ARRB1: variants seen among roughly 807,000 people sequenced by gnomAD.
ARRB1 encodes the protein arrestin beta 1.
A neutral mutation model predicts 56.8 loss-of-function variants in ARRB1; 21 were observed. The observed-to-expected ratio is 0.37, with a 90% confidence interval of 0.26 to 0.53. The LOEUF (loss-of-function observed/expected upper bound fraction) is 0.53. Ranked by LOEUF, ARRB1 falls within the 20% of genes least tolerant of loss-of-function variation. The probability of loss-of-function intolerance (pLI) is 0.88; values close to 1 mark genes in which losing one functional copy is unlikely to be tolerated. For missense variants in ARRB1, 424 were observed against 553.7 expected, an observed-to-expected ratio of 0.77 and a Z score of 2.35; for synonymous variants, 210 against 218.6, an observed-to-expected ratio of 0.96 and a Z score of 0.35.
intron 1 of ARRB1, 92 bp downstream of exon 1, chr11:75,351,496 A>G: frequency 6.7e-7 from 1 of 1,483,488 alleles, no homozygotes; most frequent in Non-Finnish European, 8.9e-7. Flanking sequence ...GTGGCCGCGA[A>G]CGCAGAACCA....
At chr11:75,282,921 T>C (rs1217413659) in intron 5 of ARRB1, among the ~76,000 whole-genome samples, 1 of 152,212 alleles carries the variant, frequency 6.6e-6, no homozygotes, top group Non-Finnish European at 1.5e-5. Context: ...ATCCCTCTCT[T>C]GCGAGCTGGG....
chr11:75,320,511 G>A (rs895924387), intron 1 of ARRB1, among the ~76,000 whole-genome samples: 1 of 152,326 alleles, frequency 6.6e-6, no homozygotes, highest in Admixed American at 6.5e-5. Context: ...TGAAAGCTTG[G>A]GGGGCTGGAT....
chr11:75,300,967 C>CAAAAA (rs149559322), intron 1 of ARRB1, among the ~76,000 whole-genome samples: 5 of 76,710 alleles, frequency 6.5e-5, no homozygotes, highest in African/African-American at 2.8e-4. Flanking sequence ...GACTCCGTCT[C>CAAAAA]AAAAAAAAAA....
chr11:75,263,477 G>C lies in ARRB1; in HGVS notation c.*2686C>G, dbSNP rs762947653. 6.6e-6 allele frequency among the ~76,000 whole-genome samples: 1 copy of C among 151,750 alleles called. No homozygotes were observed. The highest frequency in any genetic ancestry group is 2.4e-5 in the African/African-American group (1 of 41,268). On this transcript the variant is annotated 3_prime_UTR_variant, in exon 16 of 16. Transcript: ENST00000420843. Reference sequence around the variant, plus strand: ...AAGCTGTGCGTTCTAGTGTAGGTCTGAATCCACCTGGAAAGGGCACCGTCT... The same window carrying C: ...AAGCTGTGCGTTCTAGTGTAGGTCTCAATCCACCTGGAAAGGGCACCGTCT...
At chr11:75,349,366 A>G (rs1197207579) in intron 1 of ARRB1, among the ~76,000 whole-genome samples, 1 of 152,208 alleles carries the variant, frequency 6.6e-6, no homozygotes, top group Non-Finnish European at 1.5e-5. Flanking sequence ...GGAAAAGTAA[A>G]GGCAATTGCC....
chr11:75,299,692 T>C (rs1476116428), intron 1 of ARRB1, among the ~76,000 whole-genome samples: 2 of 152,200 alleles, frequency 1.3e-5, no homozygotes, highest in Non-Finnish European at 2.9e-5. Flanking sequence ...TCCCCATTCA[T>C]AGCACTTACC....
At chr11:75,343,932 C>G (rs571148017) in intron 1 of ARRB1, among the ~76,000 whole-genome samples, 1 of 152,234 alleles carries the variant, frequency 6.6e-6, no homozygotes, top group South Asian at 2.1e-4. Context: ...TCTCCTGCCT[C>G]AGCCTCCGGA....
chr11:75,294,141 G>A (rs999106964), intron 1 of ARRB1, among the ~76,000 whole-genome samples: 2 of 152,152 alleles, frequency 1.3e-5, no homozygotes, highest in Non-Finnish European at 2.9e-5. Flanking sequence ...ATACCTAGGT[G>A]TGTCACACAT....
intron 7 of ARRB1, chr11:75,280,856 C>T: frequency 1.7e-6 from 1 of 595,784 alleles, no homozygotes; most frequent in Non-Finnish European, 3.0e-6. Flanking sequence ...CACAATGGTG[C>T]AAAGGAGAAG....
chr11:75,277,314 G>C, intron 9 of ARRB1, 50 bp downstream of exon 9: 1 of 1,564,276 alleles, frequency 6.4e-7, no homozygotes, highest in South Asian at 1.1e-5. Flanking sequence ...CCCAGCCCTT[G>C]GGAAGATTGC....
rs1444336023 is a variant in ARRB1 at position 75,262,168 on chromosome 11, C to T, written c.*3995G>A. ...ACAGACAATTTCTATTTCTCCTTGCCCTTAGATTTCTGCGGATGGGTGGTT... is the reference window on the plus strand; with the variant it reads ...ACAGACAATTTCTATTTCTCCTTGCTCTTAGATTTCTGCGGATGGGTGGTT... On this transcript the variant is annotated 3_prime_UTR_variant, in exon 16 of 16. Transcript: ENST00000420843. 1 of 152,246 alleles carries T rather than the reference C, an allele frequency of 6.6e-6. No individual in the cohort carries two copies. The highest frequency in any genetic ancestry group is 1.9e-4 in the East Asian group (1 of 5,202). 9.4% of individuals were successfully genotyped at this position (152,246 alleles called of 1,614,324 possible).
At chr11:75,303,364 T>C (rs1052013328) in intron 1 of ARRB1, among the ~76,000 whole-genome samples, 8 of 152,024 alleles carry the variant, frequency 5.3e-5, no homozygotes, top group Non-Finnish European at 8.8e-5. Context: ...TCTTCCCTCT[T>C]CCTGTACTAT....
At chr11:75,321,279 C>T (rs1260835269) in intron 1 of ARRB1, among the ~76,000 whole-genome samples, 5 of 141,198 alleles carry the variant, frequency 3.5e-5, no homozygotes, top group Non-Finnish European at 3.1e-5. Flanking sequence ...CCCCCCACCA[C>T]CATCCCCCCA....
In ARRB1 at chr11:75,281,137, G is replaced by T; in HGVS notation, c.420C>A (p.Cys140Ter). 6.3e-7 allele frequency: 1 copy of T among 1,595,200 alleles called. No homozygotes were observed. The change falls in exon 7 of 16, where the codon TGC (cysteine) becomes TGA (stop). Residue 140 changes from cysteine to a stop codon, truncating the protein, a stop_gained. Coordinates refer to ENST00000420843, the MANE Select transcript of ARRB1 (RefSeq NM_004041.5). LOFTEE classifies it high-confidence loss of function. ...QPGPEDTGKA[C>*]GVDYEVKAFC... ...AGGCTTTGACTTCATAGTCCACACCGCAAGCCTGTGGGGAAGGGGTCACTG... is the reference window on the plus strand; with the variant it reads ...AGGCTTTGACTTCATAGTCCACACCTCAAGCCTGTGGGGAAGGGGTCACTG...
chr11:75,319,520 A>C (rs1947312168), intron 1 of ARRB1, among the ~76,000 whole-genome samples: 1 of 152,078 alleles, frequency 6.6e-6, no homozygotes, highest in African/African-American at 2.4e-5. Flanking sequence ...TCATCCTTCA[A>C]AATGCAGTTG....
In ARRB1 at chr11:75,260,421, G is replaced by A. The variant is rs1359032603; in HGVS notation, c.*5742C>T. On this transcript the variant is annotated 3_prime_UTR_variant, in exon 16 of 16. Coordinates refer to ENST00000420843, the MANE Select transcript of ARRB1 (RefSeq NM_004041.5). ...GTGTCTGTGGCTAGACCTTAACACT[G>A]AGCAGAGATGCCCGGGAAGATGGCA... 6.6e-6 allele frequency: 1 copy of A among 152,188 alleles called. No individual in the cohort carries two copies. Among genetic ancestry groups the A allele is most frequent in the Non-Finnish European group, 1.5e-5 (1 of 68,072 alleles). The allele number at this position is 152,188 out of a possible 1,614,324, so 9.4% of individuals were successfully genotyped here. A position where few individuals can be genotyped will look rare whatever the true frequency, so the allele number is the denominator to read the frequency against.
chr11:75,284,229 G>C lies in ARRB1; in HGVS notation c.157+6C>G. 1 of 1,607,644 alleles carries C rather than the reference G, an allele frequency of 6.2e-7. No individual in the cohort carries two copies. Among genetic ancestry groups the C allele is most frequent in the Non-Finnish European group, 8.5e-7 (1 of 1,175,626 alleles). On this transcript the variant is annotated splice_donor_region_variant and intron_variant, in intron 4 of 15. Coordinates refer to ENST00000420843, the MANE Select transcript of ARRB1 (RefSeq NM_004041.5). ...TGACAGGCTGGGGATGGGGGCCACA[G>C]CCTACCTCTCCGCTCTTTGAGATAC... is the stretch of plus-strand genomic sequence containing the variant.
chr11:75,311,317 C>T (rs1947152359), intron 1 of ARRB1, among the ~76,000 whole-genome samples: 1 of 152,230 alleles, frequency 6.6e-6, no homozygotes, highest in East Asian at 1.9e-4. Context: ...GCCTGGGCAA[C>T]AAGAGTGAAA....
At position 75,266,155 on chromosome 11, in the gene ARRB1, C is replaced by T. The variant is rs75794606; in HGVS notation, c.*8G>A. On this transcript the variant is annotated 3_prime_UTR_variant, in exon 16 of 16. Transcript: ENST00000420843. ...AGCCGGAGCCACGTGGAGGCAGGGC[C>T]GGCCCGTCTATCTGTTGTTGAGCTG... The T allele has an allele frequency of 2.3e-5, 37 of 1,611,702 alleles. No homozygotes were observed. Among genetic ancestry groups the T allele is most frequent in the Admixed American group, 1.7e-4 (10 of 60,024 alleles).
Sources: gnomAD v4.1 joint callset for allele counts (sites outside exome capture counted in the v4.1 genomes callset) on GRCh38, gnomAD v4.1.1 for gene constraint, MANE v1.5 for transcripts, NCBI Gene and HGNC (gene_info 2026-07-23, HGNC 2026-07-21) for gene names.